Variants in TEX15 observed in about 807,000 individuals in gnomAD.
TEX15 encodes the protein testis expressed 15, meiosis and synapsis associated, also known as testis-expressed protein 15.
TEX15 carries 171 observed loss-of-function variants against 237.3 expected under a neutral mutation model. That is an observed-to-expected ratio of 0.72 (90% CI 0.64 to 0.82). TEX15 has a LOEUF of 0.82. Among genes scored for constraint, TEX15 ranks in the 40% least tolerant of loss-of-function variants. The pLI, the probability that TEX15 is intolerant of heterozygous loss-of-function variation, is 0.00. For synonymous variants in TEX15, 1,338 were observed against 1,269.8 expected (o/e 1.05, Z -1.14); for missense variants, 3,750 against 3,646.5 (o/e 1.03, Z -0.73).
At chr8:30,900,830 A>G (rs1473072016) in intron 1 of TEX15, among the ~76,000 whole-genome samples, 1 of 152,224 alleles carries the variant, frequency 6.6e-6, no homozygotes, top group Non-Finnish European at 1.5e-5. Flanking sequence ...GATTTGGTAA[A>G]CCTTTCTACA....
At chr8:30,851,857 C>A (rs143744586) in intron 7 of TEX15, among the ~76,000 whole-genome samples, 2,054 of 151,932 alleles carry the variant, frequency 0.014, 51 homozygotes, top group African/African-American at 0.048. Flanking sequence ...TTGCTTAAAC[C>A]CAGGAGGCGG....
intron 3 of TEX15, among the ~76,000 whole-genome samples, chr8:30,883,065 C>T (rs188285930): frequency 8.1e-4 from 123 of 152,262 alleles, no homozygotes; most frequent in Admixed American, 1.4e-3. Context: ...GCCACCATGA[C>T]TGGCCCTGTA....
chr8:30,843,736 G>A lies in TEX15; in HGVS notation c.6431C>T (p.Thr2144Ile). The A allele has an allele frequency of 6.2e-7, 1 of 1,613,368 alleles. No homozygotes were observed. The highest frequency in any genetic ancestry group is 8.5e-7 in the Non-Finnish European group (1 of 1,179,662). ...LKYNAFCELQ[T>I]YHDQLVELLE... Reference sequence around the variant, plus strand: ...CAATTCAACTAATTGATCATGGTAAGTCTGTAACTCACAGAATGCATTATA... The same window carrying A: ...CAATTCAACTAATTGATCATGGTAAATCTGTAACTCACAGAATGCATTATA... Residue 2144 changes from threonine (T) to isoleucine (I), a missense_variant, in exon 8 of 11, where the codon ACT becomes ATT. Thr to Ile is a moderately conservative substitution (Grantham distance 89). Transcript: ENST00000643185.
At position 30,846,401 on chromosome 8, in the gene TEX15, G is replaced by C. The variant is rs1563239936; in HGVS notation, c.3766C>G (p.Gln1256Glu). ...TCAGTAAACAAAGATTCACTGTTCTGATTTTCAGACGTATGATTCACATCT... is the reference window on the plus strand; with the variant it reads ...TCAGTAAACAAAGATTCACTGTTCTCATTTTCAGACGTATGATTCACATCT... ...NTDVNHTSEN[Q>E]NSESLFTEPS... The change falls in exon 8 of 11, where the codon CAG (glutamine) becomes GAG (glutamate). Residue 1256 changes from glutamine (Q) to glutamate (E), a missense_variant. Coordinates refer to ENST00000643185, the MANE Select transcript of TEX15 (RefSeq NM_001350162.2). The C allele has an allele frequency of 6.2e-7, 1 of 1,613,332 alleles. No individual in the cohort carries two copies. The highest frequency in any genetic ancestry group is 8.5e-7 in the Non-Finnish European group (1 of 1,179,684).
chr8:30,889,017 AAGAATGGAAAATAGTTT>A (rs1808726571), intron 2 of TEX15, among the ~76,000 whole-genome samples: 1 of 152,198 alleles, frequency 6.6e-6, no homozygotes, highest in Non-Finnish European at 1.5e-5. Flanking sequence ...TAGTAAGGGG[AAGAATGGAAAATAGTTT>A]AGAATGTCTT....
chr8:30,873,121 G>A (rs1458212691), intron 4 of TEX15, among the ~76,000 whole-genome samples: 3 of 152,128 alleles, frequency 2.0e-5, no homozygotes, highest in African/African-American at 7.2e-5. Flanking sequence ...ATTAAGCAAC[G>A]TGTATCTTTG....
In TEX15 at chr8:30,846,541, G is replaced by A. The variant is rs1585284635; in HGVS notation, c.3626C>T (p.Pro1209Leu). The part of the protein sequence containing the change: ...EILGFDIYSQ[P>L]FGENADYPCE... ...TGGATAATCTGCATTTTCACCAAAA[G>A]GCTGGGAATAAATGTCAAATCCTAG... Residue 1209 changes from proline to leucine, a missense_variant, in exon 8 of 11, where the codon CCT becomes CTT. Transcript: ENST00000643185. 3 of 1,613,688 alleles carry A rather than the reference G, an allele frequency of 1.9e-6. No homozygotes were observed. The East Asian group carries it at 6.7e-5, about 36-fold the overall frequency.
At chr8:30,833,654 C>T (rs566795716) in intron 10 of TEX15, among the ~76,000 whole-genome samples, 2 of 152,218 alleles carry the variant, frequency 1.3e-5, no homozygotes, top group South Asian at 4.2e-4. Context: ...ACAAGCACCA[C>T]GAACAATATA....
chr8:30,907,217 G>C (rs997509398), intron 1 of TEX15, among the ~76,000 whole-genome samples: 5 of 152,118 alleles, frequency 3.3e-5, no homozygotes, highest in Non-Finnish European at 5.9e-5. Context: ...TGCAATCATG[G>C]CTCATTGTGT....
intron 5 of TEX15, among the ~76,000 whole-genome samples, chr8:30,861,751 G>A (rs909302075): frequency 8.6e-5 from 13 of 151,990 alleles, no homozygotes; most frequent in African/African-American, 1.7e-4. Context: ...AATTAAAAAC[G>A]TGAAATGATA....
chr8:30,845,386 T>A lies in TEX15; in HGVS notation c.4781A>T (p.Asn1594Ile), dbSNP rs141916117. 8.1e-6 allele frequency: 13 copies of A among 1,611,438 alleles called. No homozygotes were observed. In the South Asian group the frequency reaches 1.3e-4, roughly 16 times the overall value. Residue 1594 changes from asparagine to isoleucine, a missense_variant, in exon 8 of 11, where the codon AAT becomes ATT. Physicochemically the swap from Asn to Ile is moderately radical, Grantham distance 149 (BLOSUM62 -3). Coordinates refer to ENST00000643185, the MANE Select transcript of TEX15 (RefSeq NM_001350162.2). ...TTTAGTTGCATCTTTAACATTATGA[T>A]TTGCTGAATGTTTTTCAAGCTTTTC... ...KYEKLEKHSANHNVKDATKEN... is the reference protein window; with the variant it reads ...KYEKLEKHSAIHNVKDATKEN...
At chr8:30,859,040 C>T (rs1807978371) in intron 6 of TEX15, among the ~76,000 whole-genome samples, 1 of 151,822 alleles carries the variant, frequency 6.6e-6, no homozygotes, top group Non-Finnish European at 1.5e-5. Context: ...CTAATGTCTG[C>T]AGAAAAAGGC....
intron 1 of TEX15, among the ~76,000 whole-genome samples, chr8:30,911,033 G>A (rs1397142509): frequency 6.6e-6 from 1 of 152,170 alleles, no homozygotes; most frequent in Non-Finnish European, 1.5e-5. Context: ...TATTTTGGAT[G>A]AACCTTAAAA....
At chr8:30,907,473 A>T (rs1484136788) in intron 1 of TEX15, among the ~76,000 whole-genome samples, 1 of 147,580 alleles carries the variant, frequency 6.8e-6, no homozygotes, top group Non-Finnish European at 1.5e-5. Flanking sequence ...TACAAAATGT[A>T]TATATAAATT....
intron 2 of TEX15, among the ~76,000 whole-genome samples, chr8:30,895,915 G>A (rs1305265381): frequency 1.3e-5 from 2 of 151,936 alleles, no homozygotes; most frequent in Non-Finnish European, 2.9e-5. Flanking sequence ...TCCTGACCTC[G>A]TGATCCATCC....
chr8:30,906,803 T>C (rs1404840460), intron 1 of TEX15, among the ~76,000 whole-genome samples: 2 of 152,124 alleles, frequency 1.3e-5, no homozygotes, highest in Non-Finnish European at 2.9e-5. Flanking sequence ...ATTTTACGTA[T>C]GAAAATTTTC....
At chr8:30,897,106 A>T (rs1277431556) in intron 2 of TEX15, among the ~76,000 whole-genome samples, 1 of 152,222 alleles carries the variant, frequency 6.6e-6, no homozygotes, top group African/African-American at 2.4e-5. Context: ...TTTTTTTGAA[A>T]GGATTTATGA....
At chr8:30,867,140 T>C (rs2128771775) in intron 5 of TEX15, 125 bp downstream of exon 5, 1 of 371,432 alleles carries the variant, frequency 2.7e-6, no homozygotes, top group South Asian at 1.1e-4. Context: ...ATAATAAATA[T>C]AATTATTACT....
intron 6 of TEX15, 26 bp downstream of exon 6, chr8:30,859,885 A>G: frequency 7.3e-7 from 1 of 1,375,268 alleles, no homozygotes; most frequent in Non-Finnish European, 9.4e-7. Flanking sequence ...GTACTTTTCA[A>G]GAAATCAAAT....
Sources: gnomAD v4.1 joint callset for allele counts (sites outside exome capture counted in the v4.1 genomes callset) on GRCh38, gnomAD v4.1.1 for gene constraint, MANE v1.5 for transcripts, NCBI Gene and HGNC (gene_info 2026-07-23, HGNC 2026-07-21) for gene names.